The following SNAPC1 variants were observed in gnomAD, a reference collection of about 807,000 sequenced individuals.
SNAPC1 encodes the protein snRNA-activating protein complex subunit 1.
SNAPC1 carries 42 observed loss-of-function variants against 50.1 expected under a neutral mutation model. The observed-to-expected ratio is 0.84, with a 90% confidence interval of 0.65 to 1.08. The LOEUF is 1.08. Among genes scored for constraint, SNAPC1 ranks in the 50% least tolerant of loss-of-function variants. The probability of loss-of-function intolerance (pLI) is 0.00; values close to 1 mark genes in which losing one functional copy is unlikely to be tolerated. For synonymous variants in SNAPC1, 164 were observed against 144.2 expected, an observed-to-expected ratio of 1.14 and a Z score of -0.98; for missense variants, 477 against 427.3, an observed-to-expected ratio of 1.12 and a Z score of -1.02.
chr14:61,794,279 A>G (rs2045172670), intron 9 of SNAPC1, among the ~76,000 whole-genome samples: 1 of 152,180 alleles, frequency 6.6e-6, no homozygotes, highest in African/African-American at 2.4e-5. Context: ...ACAACTTCAC[A>G]GTAACTTATT....
intron 1 of SNAPC1, among the ~76,000 whole-genome samples, chr14:61,765,150 A>C (rs1407718092): frequency 1.3e-5 from 2 of 152,218 alleles, no homozygotes; most frequent in Non-Finnish European, 2.9e-5. Flanking sequence ...GTTTTATCCA[A>C]AGTGGTAAGA....
intron 3 of SNAPC1, 95 bp from the exon 4 acceptor site, chr14:61,768,541 C>A: frequency 1.5e-6 from 1 of 670,100 alleles, no homozygotes. Context: ...TCTGTGTTTA[C>A]TTATAGACAA....
At chr14:61,770,164 T>C (rs959500250) in intron 4 of SNAPC1, among the ~76,000 whole-genome samples, 2 of 152,166 alleles carry the variant, frequency 1.3e-5, no homozygotes, top group Non-Finnish European at 2.9e-5. Context: ...AGTCTTTTCT[T>C]GTATTACAAT....
At chr14:61,766,131 TAAAG>T (rs2044947160) in intron 1 of SNAPC1, among the ~76,000 whole-genome samples, 1 of 152,224 alleles carries the variant, frequency 6.6e-6, no homozygotes, top group East Asian at 1.9e-4. Context: ...CTAGCTGTAA[TAAAG>T]AAATCAGTGT....
chr14:61,774,699 T>C (rs2045022007), intron 4 of SNAPC1, among the ~76,000 whole-genome samples: 2 of 145,776 alleles, frequency 1.4e-5, no homozygotes, highest in Admixed American at 7.1e-5. Context: ...GTTTCACTCT[T>C]GTTGCGCAGG....
At position 61,762,480 on chromosome 14, in the gene SNAPC1, T is replaced by C; in HGVS notation, c.20T>C (p.Leu7Pro). The C allele has an allele frequency of 8.3e-7, 1 of 1,208,194 alleles. No homozygotes were observed. Among genetic ancestry groups the C allele is most frequent in the Non-Finnish European group, 1.1e-6 (1 of 904,500 alleles). The allele number at this position is 1,208,194 out of a possible 1,614,324, so 74.8% of individuals were successfully genotyped here. A position where few individuals can be genotyped will look rare whatever the true frequency, so the allele number is the denominator to read the frequency against. MGTPPGLQTDCEALLSR... is the reference protein window; with the variant it reads MGTPPGPQTDCEALLSR... ...GGTGCCATGGGGACTCCTCCCGGCC[T>C]GCAGACCGACTGCGAGGCGCTGCTC... The change falls in exon 1 of 10, where the codon CTG becomes CCG. Residue 7 changes from leucine to proline, a missense_variant. Coordinates refer to ENST00000216294, the MANE Select transcript of SNAPC1 (RefSeq NM_003082.4).
intron 8 of SNAPC1, among the ~76,000 whole-genome samples, chr14:61,787,270 A>G (rs1414893888): frequency 1.3e-5 from 2 of 152,232 alleles, no homozygotes; most frequent in Admixed American, 6.5e-5. Flanking sequence ...GGTGAATTTT[A>G]TTGTATGTTA....
intron 8 of SNAPC1, among the ~76,000 whole-genome samples, chr14:61,783,218 A>G (rs1453835292): frequency 6.6e-6 from 1 of 150,994 alleles, no homozygotes; most frequent in African/African-American, 2.4e-5. Flanking sequence ...TTTAGTAGAG[A>G]TGGGGTTTCA....
intron 9 of SNAPC1, among the ~76,000 whole-genome samples, chr14:61,793,757 C>A (rs28687706): frequency 0.35 from 52,512 of 149,388 alleles, 9,725 homozygotes; most frequent in African/African-American, 0.46. Context: ...CCCAGGTTCA[C>A]GCGATTCTCC....
At chr14:61,767,889 C>T (rs1410599582) in intron 3 of SNAPC1, among the ~76,000 whole-genome samples, 2 of 152,186 alleles carry the variant, frequency 1.3e-5, no homozygotes, top group Admixed American at 6.5e-5. Context: ...AGGCAATTCT[C>T]CTGTCTCAGT....
Position 61,776,146 on chromosome 14 carries a change from G to C in SNAPC1, c.586G>C (p.Val196Leu), listed in dbSNP as rs771164892. 1 of 1,609,014 alleles carries C rather than the reference G, an allele frequency of 6.2e-7. No individual in the cohort carries two copies. The highest frequency in any genetic ancestry group is 2.2e-5 in the East Asian group (1 of 44,674). The change falls in exon 5 of 10, where the codon GTT becomes CTT. Residue 196 changes from valine to leucine, a missense_variant. Transcript: ENST00000216294. The stretch of plus-strand genomic sequence containing the variant: ...TCAGAACATGAAACATGTAATTTCA[G>C]TTGATAAGTCCAAGCCAGATAAAGC... ...HYQNMKHVIS[V>L]DKSKPDKALS...
chr14:61,771,963 C>T (rs896187637), intron 4 of SNAPC1, among the ~76,000 whole-genome samples: 5 of 152,032 alleles, frequency 3.3e-5, no homozygotes, highest in African/African-American at 7.2e-5. Context: ...AGAAAGATTT[C>T]GGGATACCAG....
chr14:61,791,831 A>G, intron 8 of SNAPC1, among the ~76,000 whole-genome samples: 1 of 152,186 alleles, frequency 6.6e-6, no homozygotes, highest in Non-Finnish European at 1.5e-5. Flanking sequence ...CCTGGGCTAC[A>G]GAGAGACTCT....
At chr14:61,790,108 T>C (rs2045141468) in intron 8 of SNAPC1, among the ~76,000 whole-genome samples, 1 of 152,142 alleles carries the variant, frequency 6.6e-6, no homozygotes, top group African/African-American at 2.4e-5. Flanking sequence ...AATGACACAA[T>C]AAAGATTTCA....
chr14:61,789,643 T>C (rs1044165465), intron 8 of SNAPC1, among the ~76,000 whole-genome samples: 1 of 151,966 alleles, frequency 6.6e-6, no homozygotes, highest in Non-Finnish European at 1.5e-5. Flanking sequence ...AGCTGGGAAG[T>C]ATAGAGTGAG....
At chr14:61,785,952 G>T (rs1461411812) in intron 8 of SNAPC1, among the ~76,000 whole-genome samples, 2 of 152,064 alleles carry the variant, frequency 1.3e-5, no homozygotes, top group Non-Finnish European at 2.9e-5. Flanking sequence ...TGATTTTGGG[G>T]TCCGAAGATT....
chr14:61,768,794 T>C, intron 4 of SNAPC1, 54 bp downstream of exon 4: 1 of 909,424 alleles, frequency 1.1e-6, no homozygotes, highest in Non-Finnish European at 1.8e-6. Flanking sequence ...TATTGCCAAC[T>C]ACATATTGAG....
At chr14:61,785,846 A>G (rs764736301) in intron 8 of SNAPC1, among the ~76,000 whole-genome samples, 12 of 152,164 alleles carry the variant, frequency 7.9e-5, no homozygotes, top group Non-Finnish European at 1.8e-4. Flanking sequence ...TCAGATATGC[A>G]TTTGTCTTAG....
At chr14:61,786,587 C>T (rs2045117158) in intron 8 of SNAPC1, among the ~76,000 whole-genome samples, 1 of 152,148 alleles carries the variant, frequency 6.6e-6, no homozygotes, top group Admixed American at 6.5e-5. Flanking sequence ...ACCACAGTGA[C>T]ACTCCACTAA....
Sources: gnomAD v4.1 joint callset for allele counts (sites outside exome capture counted in the v4.1 genomes callset) on GRCh38, gnomAD v4.1.1 for gene constraint, MANE v1.5 for transcripts, NCBI Gene and HGNC (gene_info 2026-07-23, HGNC 2026-07-21) for gene names.